The following KCNT2 variants were observed in gnomAD, a reference collection of about 807,000 sequenced individuals.
KCNT2 encodes the protein potassium channel subfamily T member 2.
Under a neutral mutation model 153.8 loss-of-function variants are expected in KCNT2, and 67 were observed. The observed-to-expected ratio is 0.44, with a 90% CI of 0.36 to 0.53. The LOEUF (loss-of-function observed/expected upper bound fraction) is 0.53. Among genes scored for constraint, KCNT2 ranks in the 20% least tolerant of loss-of-function variants. KCNT2 has a pLI of 0.00. For synonymous variants in KCNT2, 500 were observed against 458.8 expected (o/e 1.09, Z -1.15); for missense variants, 975 against 1,354.8 (o/e 0.72, Z 4.40).
intron 12 of KCNT2, among the ~76,000 whole-genome samples, chr1:196,415,452 T>A (rs2148496957): frequency 6.6e-6 from 1 of 151,924 alleles, no homozygotes; most frequent in Admixed American, 6.6e-5. Context: ...TTGTTAGCTA[T>A]TTAGCATAAT....
chr1:196,549,652 C>G (rs1423125216), intron 1 of KCNT2, among the ~76,000 whole-genome samples: 2 of 151,822 alleles, frequency 1.3e-5, no homozygotes, highest in Admixed American at 6.6e-5. Context: ...ACTCTGGGAC[C>G]AGCCTTCAAA....
intron 1 of KCNT2, among the ~76,000 whole-genome samples, chr1:196,579,149 T>A (rs968202421): frequency 1.3e-5 from 2 of 152,112 alleles, no homozygotes; most frequent in African/African-American, 2.4e-5. Flanking sequence ...CAATGACATG[T>A]TATCCATGTC....
chr1:196,292,811 CAAAAAAAAAA>C (rs750026564), intron 22 of KCNT2, among the ~76,000 whole-genome samples: 1 of 69,292 alleles, frequency 1.4e-5, no homozygotes, highest in Non-Finnish European at 2.7e-5. Context: ...GACTCTGTCT[CAAAAAAAAAA>C]AAAAAAAAAA....
In KCNT2 at chr1:196,410,913, C is replaced by T. The variant is rs376357801; in HGVS notation, c.1185+12137G>A. Reference sequence around the variant, plus strand: ...CTCTTTCTTTTCTTTCTTTTCCTTCCTTTCCTTCTTTCTTTCTTTTCTCCT... The same window carrying T: ...CTCTTTCTTTTCTTTCTTTTCCTTCTTTTCCTTCTTTCTTTCTTTTCTCCT... On this transcript the variant is annotated intron_variant, in intron 12 of 27. Transcript: ENST00000294725. Among the ~76,000 whole-genome samples the T allele has an allele frequency of 7.0e-4, 106 of 150,706 alleles. 1 individual carries two copies. In the Middle Eastern group the frequency reaches 0.01, roughly 15 times the overall value.
chr1:196,491,397 G>C (rs1337974432), intron 2 of KCNT2, among the ~76,000 whole-genome samples: 1 of 151,942 alleles, frequency 6.6e-6, no homozygotes, highest in South Asian at 2.1e-4. Context: ...CTTCCCACAA[G>C]TCAAGCTTCT....
intron 8 of KCNT2, among the ~76,000 whole-genome samples, chr1:196,453,955 T>C (rs946036481): frequency 1.3e-5 from 2 of 151,932 alleles, no homozygotes; most frequent in Non-Finnish European, 2.9e-5. Context: ...AATGAATGCA[T>C]TGCATAATTC....
At chr1:196,488,899 T>C (rs1275315542) in intron 3 of KCNT2, among the ~76,000 whole-genome samples, 1 of 151,982 alleles carries the variant, frequency 6.6e-6, no homozygotes, top group Non-Finnish European at 1.5e-5. Context: ...ATGCTTTGGC[T>C]GTTGTGAGAG....
chr1:196,286,425 C>A (rs1238833727), intron 22 of KCNT2, among the ~76,000 whole-genome samples: 1 of 152,102 alleles, frequency 6.6e-6, no homozygotes, highest in Non-Finnish European at 1.5e-5. Flanking sequence ...TCCCAGCCTT[C>A]AGACAGTGAG....
At chr1:196,376,417 T>C (rs531602808) in intron 13 of KCNT2, among the ~76,000 whole-genome samples, 96 of 152,066 alleles carry the variant, frequency 6.3e-4, no homozygotes, top group South Asian at 1.2e-3. Context: ...AAATAAAGGG[T>C]TAAATAGCTT....
chr1:196,420,773 A>G (rs1411758606), intron 12 of KCNT2, among the ~76,000 whole-genome samples: 1 of 152,024 alleles, frequency 6.6e-6, no homozygotes, highest in Non-Finnish European at 1.5e-5. Flanking sequence ...ACGTTCAGTG[A>G]TATGATTACT....
intron 25 of KCNT2, among the ~76,000 whole-genome samples, chr1:196,265,702 G>A (rs1049545267): frequency 3.9e-5 from 6 of 152,156 alleles, no homozygotes; most frequent in African/African-American, 1.4e-4. Flanking sequence ...ACTCCTAAAA[G>A]GAGATAGCTC....
rs1178614087 is a variant in KCNT2, at chr1:196,315,924, G to A, written c.2451C>T (p.Ala817=). 6.2e-7 allele frequency: 1 copy of A among 1,608,150 alleles called. No homozygotes were observed. The highest frequency in any genetic ancestry group is 8.5e-7 in the Non-Finnish European group (1 of 1,176,808). ...MSAEEDYMAD[A]KTIVNVQTLF... ...GTGTCTGCACGTTCACAATGGTTTT[G>A]GCATCTGCCATGTAGTCTTCCTCGG... Residue 817 remains alanine, a synonymous_variant, in exon 21 of 28, where the codon GCC becomes GCT. Coordinates refer to ENST00000294725, the MANE Select transcript of KCNT2 (RefSeq NM_198503.5).
At chr1:196,241,982 C>T (rs909429516) in intron 26 of KCNT2, among the ~76,000 whole-genome samples, 3 of 152,042 alleles carry the variant, frequency 2.0e-5, no homozygotes, top group African/African-American at 7.2e-5. Flanking sequence ...AACAATTAGT[C>T]TAAATATATA....
intron 22 of KCNT2, among the ~76,000 whole-genome samples, chr1:196,288,927 C>T (rs758171695): frequency 2.6e-5 from 4 of 152,048 alleles, no homozygotes; most frequent in Non-Finnish European, 4.4e-5. Flanking sequence ...CAAGTGTTTC[C>T]GCTTACTAAT....
At chr1:196,540,004 G>T (rs563820302) in intron 1 of KCNT2, among the ~76,000 whole-genome samples, 1 of 151,970 alleles carries the variant, frequency 6.6e-6, no homozygotes, top group South Asian at 2.1e-4. Flanking sequence ...TCCAACAAGG[G>T]TATGATCAAA....
chr1:196,416,943 C>T (rs1192006019), intron 12 of KCNT2, among the ~76,000 whole-genome samples: 1 of 152,062 alleles, frequency 6.6e-6, no homozygotes, highest in African/African-American at 2.4e-5. Context: ...TTCCCAGCCT[C>T]TGGTTACCAT....
chr1:196,545,547 A>AT (rs1277810067), intron 1 of KCNT2, among the ~76,000 whole-genome samples: 2 of 151,950 alleles, frequency 1.3e-5, no homozygotes, highest in East Asian at 1.9e-4. Flanking sequence ...CCTTTAATAG[A>AT]TTTTTTGCCG....
chr1:196,284,251 ATATATATAT>A (rs1659431332), intron 23 of KCNT2, among the ~76,000 whole-genome samples: 3 of 48,448 alleles, frequency 6.2e-5, no homozygotes, highest in African/African-American at 1.4e-4. Context: ...AAAAAAAAAT[ATATATATAT>A]ATATATATAT....
At chr1:196,482,236 A>G (rs1408010017) in intron 4 of KCNT2, 95 bp downstream of exon 4, 5 of 754,324 alleles carry the variant, frequency 6.6e-6, no homozygotes, top group Non-Finnish European at 1.1e-5. Flanking sequence ...CAGAAAGACA[A>G]ACTCATTTTG....
Sources: gnomAD v4.1 joint callset for allele counts (sites outside exome capture counted in the v4.1 genomes callset) on GRCh38, gnomAD v4.1.1 for gene constraint, MANE v1.5 for transcripts, NCBI Gene and HGNC (gene_info 2026-07-23, HGNC 2026-07-21) for gene names.